The following PPP1R21 variants were observed in gnomAD, a reference collection of about 807,000 sequenced individuals.
PPP1R21 encodes the protein protein phosphatase 1 regulatory subunit 21.
Under a neutral mutation model 112.8 loss-of-function variants are expected in PPP1R21, and 85 were observed. The ratio of observed to expected loss-of-function variants is 0.75; its 90% CI spans 0.63 to 0.90. The LOEUF (loss-of-function observed/expected upper bound fraction) is 0.90. PPP1R21 is among the 40% of genes least tolerant of loss of function. The probability of loss-of-function intolerance (pLI) is 0.00; values close to 1 mark genes in which losing one functional copy is unlikely to be tolerated. For synonymous variants in PPP1R21, 381 were observed against 322.3 expected (o/e 1.18, Z -1.95); for missense variants, 1,199 against 901.5 (o/e 1.33, Z -4.23).
intron 9 of PPP1R21, among the ~76,000 whole-genome samples, chr2:48,469,261 TTGTG>T (rs745866100): frequency 0.11 from 5,130 of 46,178 alleles, 459 homozygotes; most frequent in African/African-American, 0.24. Context: ...TATATTTGAA[TTGTG>T]TGTGTGTGTG....
At chr2:48,459,993 T>A in intron 5 of PPP1R21, 75 bp downstream of exon 5, 1 of 1,591,588 alleles carries the variant, frequency 6.3e-7, no homozygotes, top group Non-Finnish European at 8.6e-7. Flanking sequence ...CCACTTAGAG[T>A]TAGTCATTTC....
chr2:48,481,392 A>T (rs532738903), intron 13 of PPP1R21, among the ~76,000 whole-genome samples: 1 of 152,028 alleles, frequency 6.6e-6, no homozygotes, highest in Non-Finnish European at 1.5e-5. Context: ...ACAATATTCA[A>T]CTCCAGTCCT....
chr2:48,498,224 C>T (rs1434508720), intron 16 of PPP1R21, among the ~76,000 whole-genome samples: 1 of 150,556 alleles, frequency 6.6e-6, no homozygotes, highest in Admixed American at 6.6e-5. Context: ...TTTACAGATT[C>T]TAATTCAATT....
chr2:48,504,198 A>C (rs185888696), intron 17 of PPP1R21, among the ~76,000 whole-genome samples: 6 of 152,316 alleles, frequency 3.9e-5, no homozygotes, highest in African/African-American at 7.2e-5. Context: ...CTACTTCATA[A>C]AGTAGAAAAA....
intron 17 of PPP1R21, among the ~76,000 whole-genome samples, chr2:48,500,339 A>G (rs1670052060): frequency 6.6e-6 from 1 of 152,130 alleles, no homozygotes; most frequent in African/African-American, 2.4e-5. Flanking sequence ...AAAGCAAAAC[A>G]GGCATGCTAG....
intron 9 of PPP1R21, among the ~76,000 whole-genome samples, chr2:48,466,131 C>G (rs1668192446): frequency 6.6e-6 from 1 of 152,198 alleles, no homozygotes; most frequent in African/African-American, 2.4e-5. Flanking sequence ...CACTGGGTCC[C>G]TCCCATAACG....
intron 4 of PPP1R21, among the ~76,000 whole-genome samples, chr2:48,458,945 A>G (rs1030173098): frequency 6.6e-6 from 1 of 152,110 alleles, no homozygotes; most frequent in Middle Eastern, 3.4e-3. Flanking sequence ...ACAAAAAATT[A>G]GCCAGGCGTG....
At chr2:48,462,622 G>A (rs1668026011) in intron 7 of PPP1R21, among the ~76,000 whole-genome samples, 1 of 152,194 alleles carries the variant, frequency 6.6e-6, no homozygotes. Context: ...CTTAGGGTGG[G>A]TGGGATGTGC....
At chr2:48,495,558 C>T (rs970990770) in intron 15 of PPP1R21, 121 bp from the exon 16 acceptor site, 19 of 614,016 alleles carry the variant, frequency 3.1e-5, no homozygotes, top group Non-Finnish European at 5.6e-5. Context: ...AGAAAATAGT[C>T]TGCTTTGACA....
chr2:48,464,399 A>G (rs1021539616), intron 7 of PPP1R21, among the ~76,000 whole-genome samples: 4 of 152,128 alleles, frequency 2.6e-5, no homozygotes, highest in Non-Finnish European at 1.5e-5. Context: ...AGGTATGGCT[A>G]GGTAGGAGGA....
chr2:48,490,839 T>C (rs1669530301), intron 14 of PPP1R21, among the ~76,000 whole-genome samples, 179 bp from the exon 15 acceptor site: 1 of 152,214 alleles, frequency 6.6e-6, no homozygotes, highest in African/African-American at 2.4e-5. Flanking sequence ...CCTCTTTTTA[T>C]TATAAACCAT....
chr2:48,472,925 C>A (rs1348937103), intron 11 of PPP1R21, among the ~76,000 whole-genome samples: 1 of 145,708 alleles, frequency 6.9e-6, no homozygotes, highest in Admixed American at 6.8e-5. Context: ...GTGATAGAGT[C>A]CCTGCCTCTT....
chr2:48,457,527 T>A (rs966267910), intron 3 of PPP1R21, among the ~76,000 whole-genome samples: 1 of 152,228 alleles, frequency 6.6e-6, no homozygotes, highest in Non-Finnish European at 1.5e-5. Flanking sequence ...TTTTAAATAG[T>A]GCTATTCTTC....
intron 13 of PPP1R21, among the ~76,000 whole-genome samples, chr2:48,481,877 CATG>C (rs1183023123): frequency 6.6e-6 from 1 of 151,040 alleles, no homozygotes; most frequent in East Asian, 1.9e-4. Context: ...CCTCACGTGA[CATG>C]ATAAAGTTGC....
intron 16 of PPP1R21, among the ~76,000 whole-genome samples, chr2:48,497,971 A>C (rs1211656220): frequency 6.6e-6 from 1 of 152,114 alleles, no homozygotes; most frequent in African/African-American, 2.4e-5. Flanking sequence ...TATAGTTCTA[A>C]TTGTTTACAA....
chr2:48,455,423 C>T (rs1418811478), intron 3 of PPP1R21, among the ~76,000 whole-genome samples: 1 of 150,572 alleles, frequency 6.6e-6, no homozygotes, highest in Admixed American at 6.6e-5. Flanking sequence ...GATTACAGGC[C>T]TGAGCCACCG....
At position 48,465,584 on chromosome 2, in the gene PPP1R21, G is replaced by A. The variant is rs1425048441; in HGVS notation, c.839G>A (p.Arg280Lys). Residue 280 changes from arginine to lysine, a missense_variant, in exon 9 of 22, where the codon AGG becomes AAG. Coordinates refer to ENST00000294952, the MANE Select transcript of PPP1R21 (RefSeq NM_001135629.3). ...LLNFHTYTEQ[R>K]IQIFPVDSAI... ...AACTTTCATACCTACACAGAACAGA[G>A]GATTCAAATTTTTCCTGTTGATTCT... 1.2e-6 allele frequency: 2 copies of A among 1,613,782 alleles called. No individual in the cohort carries two copies. The highest frequency in any genetic ancestry group is 1.1e-5 in the South Asian group (1 of 91,008).
At chr2:48,486,393 C>A (rs1222837642) in intron 13 of PPP1R21, among the ~76,000 whole-genome samples, 1 of 152,178 alleles carries the variant, frequency 6.6e-6, no homozygotes, top group Non-Finnish European at 1.5e-5. Flanking sequence ...ACGAGGAAAT[C>A]TTGGTGGCTG....
intron 12 of PPP1R21, among the ~76,000 whole-genome samples, chr2:48,478,615 C>T (rs1487885268): frequency 1.3e-5 from 2 of 152,158 alleles, no homozygotes; most frequent in Non-Finnish European, 2.9e-5. Flanking sequence ...GGCTCTTTTA[C>T]GGGTATAGTT....
Sources: allele counts gnomAD v4.1 joint callset (sites outside exome capture counted in the v4.1 genomes callset), GRCh38; gene constraint gnomAD v4.1.1; transcripts MANE v1.5; gene names NCBI Gene and HGNC (gene_info 2026-07-23, HGNC 2026-07-21).